The following APC2 variants were observed in gnomAD, a reference collection of about 807,000 sequenced individuals.
The protein encoded by APC2 is adenomatous polyposis coli protein 2.
APC2 carries 41 observed loss-of-function variants against 72.5 expected under a neutral mutation model. The observed-to-expected ratio is 0.57, with a 90% CI of 0.44 to 0.73. The LOEUF (loss-of-function observed/expected upper bound fraction) is 0.73. Among genes scored for constraint, APC2 ranks in the 30% least tolerant of loss-of-function variants. The probability of loss-of-function intolerance (pLI) is 0.00; values close to 1 mark genes in which losing one functional copy is unlikely to be tolerated. For synonymous variants in APC2, 1,898 were observed against 1,612.0 expected (o/e 1.18, Z -4.25); for missense variants, 3,729 against 3,403.4 (o/e 1.10, Z -2.38).
At position 1,464,462 on chromosome 19, in the gene APC2, G is replaced by A. The variant is rs372568749; in HGVS notation, c.1854-693G>A. Reference sequence around the variant, plus strand: ...TCCCAGCCCTTTGGGAGGCTGAGGCGGTTAGATTGCTTGAGCCCAGGAGTT... The same window carrying A: ...TCCCAGCCCTTTGGGAGGCTGAGGCAGTTAGATTGCTTGAGCCCAGGAGTT... On this transcript the variant is annotated intron_variant, in intron 14 of 14. Transcript: ENST00000590469. Among the ~76,000 whole-genome samples, 17 of 151,858 alleles carry A rather than the reference G, an allele frequency of 1.1e-4. No homozygotes were observed. The East Asian group carries it at 1.2e-3, about 10-fold the overall frequency.
In APC2 at chr19:1,468,342, C is replaced by G. The variant is rs559398918; in HGVS notation, c.5041C>G (p.Leu1681Val). 3 of 1,566,584 alleles carry G rather than the reference C, an allele frequency of 1.9e-6. No homozygotes were observed. The highest frequency in any genetic ancestry group is 2.4e-5 in the East Asian group (1 of 42,264). ...EAAGSDRASD[L>V]DSVEWRAIQE... ...AGCGGGCTCGGACCGGGCCTCCGAC[C>G]TGGATAGCGTGGAGTGGCGCGCCAT... Residue 1681 changes from leucine to valine, a missense_variant, in exon 15 of 15, where the codon CTG becomes GTG. Transcript: ENST00000590469.
At chr19:1,461,495 G>A (rs2083921440) in intron 13 of APC2, 1 of 392,812 alleles carries the variant, frequency 2.5e-6, no homozygotes, top group East Asian at 5.6e-5. Context: ...CTTGAACCTA[G>A]GAGGCGGAGG....
Position 1,452,750 on chromosome 19 carries a change from C to T in APC2, c.-18-234C>T, listed in dbSNP as rs939396845. Reference sequence around the variant, plus strand: ...CTGTCTGTACGTCTGTCTGCTGGCCCCTCTGTCTCCCCTTGGGGCCACCTC... The same window carrying T: ...CTGTCTGTACGTCTGTCTGCTGGCCTCTCTGTCTCCCCTTGGGGCCACCTC... On this transcript the variant is annotated intron_variant, in intron 1 of 14. Transcript: ENST00000590469. This position sits in a 1 kb window ranked among gnomAD's most constrained non-coding sequence, Gnocchi z 5.1. 2.8e-5 allele frequency: 15 copies of T among 538,696 alleles called. No individual in the cohort carries two copies. The highest frequency in any genetic ancestry group is 1.1e-4 in the African/African-American group (6 of 52,856). 33.4% of individuals were successfully genotyped at this position (538,696 alleles called of 1,614,324 possible).
rs1333177651 is a variant in APC2 at position 1,465,739 on chromosome 19, G to GGCAGGC, written c.2441_2446dup (p.Gln814_Ala815dup). 6.5e-7 allele frequency: 1 copy of GGCAGGC among 1,542,958 alleles called. No homozygotes were observed. Among genetic ancestry groups the GGCAGGC allele is most frequent in the Admixed American group, 2.0e-5 (1 of 51,214 alleles). ...TTCCTGGGCAGCCCCTTCCTGCAGG[G>GGCAGGC]GCAGGCGCTGGCTCGCACCCCGCCC... On this transcript the variant is annotated inframe_insertion, in exon 15 of 15. Transcript: ENST00000590469.
chr19:1,469,567 C>A lies in APC2; in HGVS notation c.6266C>A (p.Pro2089His). ...ESPSRLPVRA[P>H]AARPETVKRY... is the part of the protein sequence containing the mutation. ...CCGTCCCGCCTGCCTGTGCGCGCGC[C>A]CGCCGCCCGGCCGGAGACTGTCAAG... Residue 2089 changes from proline (P) to histidine (H), a missense_variant, in exon 15 of 15, where the codon CCC becomes CAC. Pro to His is a moderately conservative substitution (Grantham distance 77). Transcript: ENST00000590469. The A allele has an allele frequency of 8.1e-7, 1 of 1,241,842 alleles. No homozygotes were observed. Among genetic ancestry groups the A allele is most frequent in the Non-Finnish European group, 1.0e-6 (1 of 978,268 alleles). The allele number at this position is 1,241,842 out of a possible 1,614,324, so 76.9% of individuals were successfully genotyped here.
At chr19:1,461,337 G>A (rs1041283960) in intron 13 of APC2, 184 bp downstream of exon 13, 7 of 618,952 alleles carry the variant, frequency 1.1e-5, no homozygotes, top group Non-Finnish European at 2.0e-5. Context: ...AGCAAATGTG[G>A]GCTGGGCGCC....
chr19:1,455,575 T>C (rs551157653), intron 6 of APC2, 75 bp downstream of exon 6: 2 of 1,401,102 alleles, frequency 1.4e-6, no homozygotes, highest in Non-Finnish European at 9.9e-7. Flanking sequence ...GCAGATATTA[T>C]GGGCGGGGTC....
In APC2 at chr19:1,467,215, G is replaced by GCGGGGGAGC; in HGVS notation, c.3920_3921insAGCCGGGGG (p.Gly1310_Gly1312dup). 1 of 1,402,008 alleles carries GCGGGGGAGC rather than the reference G, an allele frequency of 7.1e-7. No individual in the cohort carries two copies. The highest frequency in any genetic ancestry group is 1.5e-5 in the African/African-American group (1 of 66,998). The allele number at this position is 1,402,008 out of a possible 1,614,324, so 86.8% of individuals were successfully genotyped here. On this transcript the variant is annotated inframe_insertion, in exon 15 of 15. Coordinates refer to ENST00000590469, the MANE Select transcript of APC2 (RefSeq NM_005883.3). ...CTGCCCTCGGCCTGCCCCGAGCGCG[G>GCGGGGGAGC]CGGGGGCGCCGGGGGCGCCGGCCTC...
Position 1,467,446 on chromosome 19 carries a change from C to T in APC2, c.4145C>T (p.Pro1382Leu). 2 of 1,476,390 alleles carry T rather than the reference C, an allele frequency of 1.4e-6. No individual in the cohort carries two copies. The highest frequency in any genetic ancestry group is 2.8e-5 in the East Asian group (1 of 35,378). The allele number at this position is 1,476,390 out of a possible 1,614,324, so 91.5% of individuals were successfully genotyped here. A position where few individuals can be genotyped will look rare whatever the true frequency, so the allele number is the denominator to read the frequency against. ...PVYMLVPAPAPAQEDDSCTDS... is the reference protein window; with the variant it reads ...PVYMLVPAPALAQEDDSCTDS... ...TACATGTTGGTGCCCGCCCCGGCCC[C>T]GGCCCAGGAGGACGACTCCTGCACT... is the stretch of plus-strand genomic sequence containing the variant. Residue 1382 changes from proline to leucine, a missense_variant, in exon 15 of 15, where the codon CCG becomes CTG. Coordinates refer to ENST00000590469, the MANE Select transcript of APC2 (RefSeq NM_005883.3).
chr19:1,467,415 C>T lies in APC2; in HGVS notation c.4114C>T (p.Pro1372Ser). 1.3e-6 allele frequency: 2 copies of T among 1,491,118 alleles called. No individual in the cohort carries two copies. The highest frequency in any genetic ancestry group is 1.3e-5 in the South Asian group (1 of 78,818). The allele number at this position is 1,491,118 out of a possible 1,614,324, so 92.4% of individuals were successfully genotyped here. A position where few individuals can be genotyped will look rare whatever the true frequency, so the allele number is the denominator to read the frequency against. ...GCCAGGTCGCCGCGCACTCCCCGTGCCCGTCTACATGTTGGTGCCCGCCCC... is the reference window on the plus strand; with the variant it reads ...GCCAGGTCGCCGCGCACTCCCCGTGTCCGTCTACATGTTGGTGCCCGCCCC... ...LVPGRRALPV[P>S]VYMLVPAPAP... is the part of the protein sequence containing the mutation. The change falls in exon 15 of 15, where the codon CCC becomes TCC. Residue 1372 changes from proline (P) to serine (S), a missense_variant. By Grantham distance (74) the Pro-to-Ser change is moderately conservative (BLOSUM62 -1). Coordinates refer to ENST00000590469, the MANE Select transcript of APC2 (RefSeq NM_005883.3).
At position 1,466,467 on chromosome 19, in the gene APC2, C is replaced by A. The variant is rs2084016879; in HGVS notation, c.3166C>A (p.Gln1056Lys). The change falls in exon 15 of 15, where the codon CAG becomes AAG. Residue 1056 changes from glutamine (Q) to lysine (K), a missense_variant. Gln to Lys is a moderately conservative substitution (Grantham distance 53). Coordinates refer to ENST00000590469, the MANE Select transcript of APC2 (RefSeq NM_005883.3). ...APLSVASKALQKLAAQEGPLS... is the reference protein window; with the variant it reads ...APLSVASKALKKLAAQEGPLS... ...GCTGTCTGTGGCCAGCAAGGCACTG[C>A]AGAAACTGGCGGCGCAAGAGGGGCC... 6.3e-7 allele frequency: 1 copy of A among 1,598,122 alleles called. No homozygotes were observed. Among genetic ancestry groups the A allele is most frequent in the African/African-American group, 1.3e-5 (1 of 74,914 alleles).
At position 1,453,288 on chromosome 19, in the gene APC2, C is replaced by T. The variant is rs2145181691; in HGVS notation, c.183C>T (p.Ala61=). ...KHLQGKLEQE[A]RVLVSSGQTE... is the part of the protein sequence containing the mutation. ...TACAGGGAAAACTGGAGCAGGAGGC[C>T]CGAGTGCTGGTGTCCTCGGGGCAGA... Residue 61 remains alanine, a synonymous_variant, in exon 3 of 15, where the codon GCC becomes GCT. Coordinates refer to ENST00000590469, the MANE Select transcript of APC2 (RefSeq NM_005883.3). 1.3e-6 allele frequency: 2 copies of T among 1,580,740 alleles called. No homozygotes were observed. The highest frequency in any genetic ancestry group is 2.3e-5 in the East Asian group (1 of 43,422).
intron 7 of APC2, 70 bp downstream of exon 7, chr19:1,456,223 T>G (rs1287984511): frequency 7.7e-6 from 12 of 1,550,850 alleles, no homozygotes; most frequent in Non-Finnish European, 1.0e-5. Context: ...CCTCGAGTTC[T>G]GCCCGCCCCC....
Position 1,455,514 on chromosome 19 carries a change from CG to C in APC2, c.639+18del. On this transcript the variant is annotated intron_variant, in intron 6 of 14. Coordinates refer to ENST00000590469, the MANE Select transcript of APC2 (RefSeq NM_005883.3). ...CAGCGGGCACAGGTGCGGCGGTGGG[CG>C]GGGTGGCGCGGCGGTAGGCGGGGCC... 1 of 1,590,584 alleles carries C rather than the reference CG, an allele frequency of 6.3e-7. No homozygotes were observed. The highest frequency in any genetic ancestry group is 1.1e-5 in the South Asian group (1 of 88,754).
upstream of APC2, chr19:1,446,240 T>A: frequency 2.0e-6 from 2 of 979,140 alleles, no homozygotes; most frequent in Non-Finnish European, 2.4e-6. The surrounding 1 kb of genome is among the most constrained non-coding windows in gnomAD (Gnocchi z 6.1). Flanking sequence ...ACCCCCACCC[T>A]GGCCGCCGAG....
Position 1,456,903 on chromosome 19 carries a change from G to T in APC2, c.867G>T (p.Glu289Asp). The T allele has an allele frequency of 1.3e-6, 2 of 1,586,858 alleles. No individual in the cohort carries two copies. Among genetic ancestry groups the T allele is most frequent in the Non-Finnish European group, 8.5e-7 (1 of 1,173,916 alleles). Residue 289 changes from glutamate to aspartate, a missense_variant, in exon 9 of 15, where the codon GAG becomes GAT. By Grantham distance (45) the Glu-to-Asp change is conservative (BLOSUM62 2). Coordinates refer to ENST00000590469, the MANE Select transcript of APC2 (RefSeq NM_005883.3). ...LLSMLATRDQ[E>D]DTARTLLAMS... ...CCATGTTGGCGACGCGCGACCAGGAGGATACAGCGCGCACGCTGCTGGCCA... is the reference window on the plus strand; with the variant it reads ...CCATGTTGGCGACGCGCGACCAGGATGATACAGCGCGCACGCTGCTGGCCA...
chr19:1,449,841 A>G (rs952648284), upstream of APC2, among the ~76,000 whole-genome samples: 1 of 152,164 alleles, frequency 6.6e-6, no homozygotes, highest in Admixed American at 6.5e-5. Flanking sequence ...TTTACTCTCC[A>G]ATTCTGCAAA....
intron 4 of APC2, 120 bp from the exon 5 acceptor site, chr19:1,455,029 A>T: frequency 3.0e-6 from 1 of 338,966 alleles, no homozygotes; most frequent in Non-Finnish European, 5.2e-6. Context: ...CACGGGAGAG[A>T]CCTTGCCATG....
chr19:1,449,354 A>T (rs192174307), upstream of APC2, among the ~76,000 whole-genome samples: 129 of 152,028 alleles, frequency 8.5e-4, 1 homozygote, highest in East Asian at 0.023. Context: ...GCTTCCAGGG[A>T]CTCATGGAGC....
Sources: allele counts gnomAD v4.1 joint callset (sites outside exome capture counted in the v4.1 genomes callset), GRCh38; gene constraint gnomAD v4.1.1; non-coding constraint Gnocchi (gnomAD v3.1); transcripts MANE v1.5; gene names NCBI Gene and HGNC (gene_info 2026-07-23, HGNC 2026-07-21).